PAG1: variants seen among roughly 807,000 people sequenced by gnomAD.
PAG1 encodes phosphoprotein associated with glycosphingolipid-enriched microdomains 1.
Under a neutral mutation model 31.7 loss-of-function variants are expected in PAG1, and 23 were observed. That is an observed-to-expected ratio of 0.73 (90% CI 0.52 to 1.03). The LOEUF (loss-of-function observed/expected upper bound fraction) is 1.03. Among genes scored for constraint, PAG1 ranks in the 50% least tolerant of loss-of-function variants. The pLI is 0.00. For missense variants in PAG1, 473 were observed against 540.7 expected (o/e 0.87, Z 1.24); for synonymous variants, 214 against 210.3 (o/e 1.02, Z -0.15).
At chr8:80,997,354 T>G (rs2130552732) in intron 3 of PAG1, among the ~76,000 whole-genome samples, 1 of 152,330 alleles carries the variant, frequency 6.6e-6, no homozygotes, top group African/African-American at 2.4e-5. Context: ...TACTGCAGCC[T>G]CGACCTCCTG....
chr8:81,094,519 A>G (rs1464709218), intron 1 of PAG1, among the ~76,000 whole-genome samples: 2 of 152,184 alleles, frequency 1.3e-5, no homozygotes, highest in Non-Finnish European at 2.9e-5. Flanking sequence ...TTCTAGGTCT[A>G]TGGGTGATAA....
At position 80,974,152 on chromosome 8, in the gene PAG1, G is replaced by GTTTTT. The variant is rs554932519; in HGVS notation, c.*2387_*2391dup. On this transcript the variant is annotated 3_prime_UTR_variant, in exon 9 of 9. Transcript: ENST00000220597. ...ATTATTTATGAGCTTTCTATAAAAA[G>GTTTTT]TTTTTTTTTTTTTTTTTTTTTTACT... 46 of 115,372 alleles carry GTTTTT rather than the reference G, an allele frequency of 4.0e-4. No homozygotes were observed. The highest frequency in any genetic ancestry group is 5.9e-4 in the Non-Finnish European group (34 of 57,780). The allele number at this position is 115,372 out of a possible 1,614,324, so 7.1% of individuals were successfully genotyped here.
chr8:81,017,198 G>A (rs894039627), intron 3 of PAG1, among the ~76,000 whole-genome samples: 2 of 152,222 alleles, frequency 1.3e-5, no homozygotes, highest in Non-Finnish European at 2.9e-5. Flanking sequence ...CTTTGGGCAT[G>A]TTTAAACTTA....
chr8:80,980,114 T>C (rs991644302), intron 8 of PAG1, among the ~76,000 whole-genome samples: 1 of 152,182 alleles, frequency 6.6e-6, no homozygotes, highest in Admixed American at 6.5e-5. Flanking sequence ...TGATGTGGTC[T>C]TCCTGACTGC....
intron 2 of PAG1, among the ~76,000 whole-genome samples, chr8:81,063,774 G>C (rs1808958554): frequency 6.6e-6 from 1 of 152,116 alleles, no homozygotes; most frequent in East Asian, 1.9e-4. Context: ...GATTTTATTG[G>C]GGAACTTACG....
intron 1 of PAG1, among the ~76,000 whole-genome samples, chr8:81,089,564 T>A (rs2131057347): frequency 8.2e-6 from 1 of 121,856 alleles, no homozygotes; most frequent in Admixed American, 8.9e-5. Flanking sequence ...CGAGACTCCG[T>A]CTCAAAAAGG....
Position 81,085,972 on chromosome 8 carries a change from G to GTTTTT in PAG1, c.-233-15807_-233-15803dup, listed in dbSNP as rs869177030. Among the ~76,000 whole-genome samples, 315 of 58,914 alleles carry GTTTTT rather than the reference G, an allele frequency of 5.3e-3. 92 individuals carry two copies. Among genetic ancestry groups the GTTTTT allele is most frequent in the African/African-American group, 0.018 (247 of 13,792 alleles). The allele number at this position is 58,914 out of a possible 152,430, so 38.6% of individuals were successfully genotyped here. On this transcript the variant is annotated intron_variant, in intron 1 of 8. Transcript: ENST00000220597. ...AGTAGTTACGCTTTTAATCTGGCTT[G>GTTTTT]TTTTTTTTTTTTTTTTTTTTTTTTT...
intron 1 of PAG1, among the ~76,000 whole-genome samples, chr8:81,082,006 A>G (rs1198954948): frequency 2.6e-5 from 4 of 152,100 alleles, no homozygotes; most frequent in Non-Finnish European, 5.9e-5. Context: ...TAATCCCAGC[A>G]CTTTGGGAGG....
Position 80,968,658 on chromosome 8 carries a change from T to G in PAG1, c.*7886A>C, listed in dbSNP as rs1807013791. ...GTTTCTTTTCCTAGTTAAAACAAAG[T>G]AGATGTCTTTACAAGAAATATATTT... is the stretch of plus-strand genomic sequence containing the variant. On this transcript the variant is annotated 3_prime_UTR_variant, in exon 9 of 9. Transcript: ENST00000220597. The G allele has an allele frequency of 6.6e-6, 1 of 152,212 alleles. No individual in the cohort carries two copies. Among genetic ancestry groups the G allele is most frequent in the Non-Finnish European group, 1.5e-5 (1 of 68,036 alleles). 9.4% of individuals were successfully genotyped at this position (152,212 alleles called of 1,614,324 possible).
At chr8:81,094,889 T>A (rs1684937489) in intron 1 of PAG1, among the ~76,000 whole-genome samples, 2 of 152,234 alleles carry the variant, frequency 1.3e-5, no homozygotes, top group Admixed American at 1.3e-4. Context: ...AGCCATAACA[T>A]GCACCAGCTG....
At chr8:81,000,863 C>T (rs1251177081) in intron 3 of PAG1, among the ~76,000 whole-genome samples, 4 of 152,162 alleles carry the variant, frequency 2.6e-5, no homozygotes, top group African/African-American at 4.8e-5. Flanking sequence ...CTTCATCCCC[C>T]GCAGCAGGCC....
intron 3 of PAG1, among the ~76,000 whole-genome samples, chr8:80,995,837 A>T (rs1256593612): frequency 6.6e-6 from 1 of 152,210 alleles, no homozygotes; most frequent in African/African-American, 2.4e-5. Flanking sequence ...GAAGGAGGTC[A>T]GTAGAATATG....
At position 80,990,333 on chromosome 8, in the gene PAG1, T is replaced by C. The variant is rs73692525; in HGVS notation, c.177+1146A>G. On this transcript the variant is annotated intron_variant, in intron 5 of 8. Coordinates refer to ENST00000220597, the MANE Select transcript of PAG1 (RefSeq NM_018440.4). This position sits in a 1 kb window ranked among gnomAD's most constrained non-coding sequence, Gnocchi z 5.1. ...CTGAGAATTGGCAGGTCAGGAAGCC[T>C]AGACTGGAGATGCCCCTGGTCATCT... Among the ~76,000 whole-genome samples the C allele has an allele frequency of 7.7e-3, 1,167 of 152,158 alleles. 16 individuals carry two copies. Among genetic ancestry groups the C allele is most frequent in the African/African-American group, 0.027 (1,126 of 41,496 alleles).
intron 1 of PAG1, among the ~76,000 whole-genome samples, chr8:81,099,978 T>C (rs1809584866): frequency 1.3e-5 from 2 of 152,214 alleles, no homozygotes; most frequent in Non-Finnish European, 2.9e-5. Flanking sequence ...GTAATGCCAG[T>C]TGAAATTTAA....
intron 2 of PAG1, among the ~76,000 whole-genome samples, chr8:81,049,220 A>G (rs11986666): frequency 1.3e-5 from 2 of 152,184 alleles, no homozygotes; most frequent in South Asian, 2.1e-4. Context: ...CATTAGCTTC[A>G]CAACATATCT....
At chr8:81,076,284 A>G (rs933187967) in intron 1 of PAG1, among the ~76,000 whole-genome samples, 2 of 152,212 alleles carry the variant, frequency 1.3e-5, no homozygotes, top group Non-Finnish European at 1.5e-5. Context: ...TGGACATACC[A>G]GTTTCCTTCT....
intron 2 of PAG1, among the ~76,000 whole-genome samples, chr8:81,033,697 C>G (rs1051508590): frequency 5.3e-5 from 8 of 152,190 alleles, no homozygotes; most frequent in African/African-American, 1.9e-4. Context: ...AAGGCCCAAG[C>G]AAGTGAACTC....
chr8:80,996,779 T>C (rs1025382774), intron 3 of PAG1, among the ~76,000 whole-genome samples: 4 of 152,144 alleles, frequency 2.6e-5, no homozygotes, highest in African/African-American at 9.7e-5. Flanking sequence ...TTGGGGGTCC[T>C]CGTTCTGTTC....
At chr8:81,085,067 G>T in intron 1 of PAG1, among the ~76,000 whole-genome samples, 1 of 152,166 alleles carries the variant, frequency 6.6e-6, no homozygotes, top group Non-Finnish European at 1.5e-5. Flanking sequence ...AAACAATCTA[G>T]GAGTAGCTCT....
Sources: allele counts gnomAD v4.1 joint callset (sites outside exome capture counted in the v4.1 genomes callset), GRCh38; gene constraint gnomAD v4.1.1; non-coding constraint Gnocchi (gnomAD v3.1); transcripts MANE v1.5; gene names NCBI Gene and HGNC (gene_info 2026-07-23, HGNC 2026-07-21).